Variants in USP25 observed in about 807,000 individuals in gnomAD.
The protein encoded by USP25 is ubiquitin specific peptidase 25, also known as ubiquitin carboxyl-terminal hydrolase 25.
Under a neutral mutation model 158.5 loss-of-function variants are expected in USP25, and 85 were observed. The ratio of observed to expected loss-of-function variants is 0.54; its 90% confidence interval spans 0.45 to 0.64. The LOEUF (loss-of-function observed/expected upper bound fraction) is 0.64. USP25 is among the 30% of genes least tolerant of loss of function. The pLI, the probability that USP25 is intolerant of heterozygous loss-of-function variation, is 0.00. For missense variants in USP25, 1,242 were observed against 1,327.3 expected, an observed-to-expected ratio of 0.94 and a Z score of 1.00; for synonymous variants, 464 against 460.4, an observed-to-expected ratio of 1.01 and a Z score of -0.10.
intron 17 of USP25, among the ~76,000 whole-genome samples, chr21:15,834,677 T>G (rs1484065320): frequency 6.6e-6 from 1 of 152,224 alleles, no homozygotes; most frequent in Non-Finnish European, 1.5e-5. Context: ...CTTAACTTAT[T>G]TTCATGTAGA....
chr21:15,858,487 G>A (rs1040400320), intron 20 of USP25, among the ~76,000 whole-genome samples: 5 of 151,550 alleles, frequency 3.3e-5, no homozygotes, highest in African/African-American at 1.2e-4. Context: ...GTTATTGAAA[G>A]GGTAGGTAAC....
chr21:15,730,976 G>GTTTTTTTTTTT lies in USP25; in HGVS notation c.45+553_45+563dup, dbSNP rs748732727. On this transcript the variant is annotated intron_variant, in intron 1 of 25. Transcript: ENST00000400183. ...TTTCCCTTTCTTCTTCTTCTTTTCT[G>GTTTTTTTTTTT]TTTTTTTTTTTTTTTTTTTTTTTTT... Among the ~76,000 whole-genome samples the GTTTTTTTTTTT allele has an allele frequency of 1.9e-4, 10 of 53,646 alleles. 1 individual carries two copies. Among genetic ancestry groups the GTTTTTTTTTTT allele is most frequent in the East Asian group, 6.6e-4 (1 of 1,504 alleles). 35.2% of individuals were successfully genotyped at this position (53,646 alleles called of 152,430 possible). A position where few individuals can be genotyped will look rare whatever the true frequency, so the allele number is the denominator to read the frequency against.
At chr21:15,823,306 G>A (rs1384133557) in intron 10 of USP25, among the ~76,000 whole-genome samples, 4 of 151,410 alleles carry the variant, frequency 2.6e-5, no homozygotes, top group African/African-American at 9.7e-5. Flanking sequence ...TTTTAAAAAT[G>A]TTGAATTTCA....
At chr21:15,863,454 G>T (rs566761078) in intron 20 of USP25, among the ~76,000 whole-genome samples, 1 of 152,068 alleles carries the variant, frequency 6.6e-6, no homozygotes, top group Non-Finnish European at 1.5e-5. Flanking sequence ...GGGCTATTCA[G>T]CTAAAAGTTA....
chr21:15,811,112 A>C, intron 8 of USP25, 25 bp from the exon 9 acceptor site: 1 of 1,591,032 alleles, frequency 6.3e-7, no homozygotes, highest in Non-Finnish European at 8.5e-7. Flanking sequence ...TTGTAATCAC[A>C]TTTATATTTT....
chr21:15,751,334 A>G (rs1298001749), intron 1 of USP25, among the ~76,000 whole-genome samples: 2 of 152,228 alleles, frequency 1.3e-5, no homozygotes, highest in Non-Finnish European at 2.9e-5. Context: ...GACATATTAT[A>G]TAAGTAATTA....
Position 15,762,929 on chromosome 21 carries a change from G to T in USP25, c.84G>T (p.Thr28=), listed in dbSNP as rs760842437. Residue 28 remains threonine (T), a synonymous_variant, in exon 2 of 26, where the codon ACG becomes ACT. Transcript: ENST00000400183. The stretch of plus-strand genomic sequence containing the variant: ...TTTTGAATCAACTGAGAGAAATTAC[G>T]GGGATTAATGACACCCAGATACTAC... ...QTFLNQLREI[T]GINDTQILQQ... is the part of the protein sequence containing the mutation. The T allele has an allele frequency of 2.5e-6, 4 of 1,612,402 alleles. No homozygotes were observed. In the South Asian group the frequency reaches 4.4e-5, roughly 18 times the overall value.
At position 15,843,084 on chromosome 21, in the gene USP25, C is replaced by T. The variant is rs184476849; in HGVS notation, c.2337+544C>T. On this transcript the variant is annotated intron_variant, in intron 18 of 25. Coordinates refer to ENST00000400183, the MANE Select transcript of USP25 (RefSeq NM_001283041.3). This position sits in a 1 kb window ranked among gnomAD's most constrained non-coding sequence, Gnocchi z 4.0. ...ATTTTAAGAACGTCCTGTGCAAAAA[C>T]GTCATTAGGCTACTCTATTGTAGTT... Among the ~76,000 whole-genome samples, 27 of 152,158 alleles carry T rather than the reference C, an allele frequency of 1.8e-4. No homozygotes were observed. Among genetic ancestry groups the T allele is most frequent in the Non-Finnish European group, 3.1e-4 (21 of 68,002 alleles).
rs541546353 is a variant in USP25 at position 15,812,208 on chromosome 21, T to C, written c.931+998T>C. On this transcript the variant is annotated intron_variant, in intron 9 of 25. Transcript: ENST00000400183. ...TACATTTACGTTGGGTCATTCATCT[T>C]AATCATTCTGATTTTATTTGAAGTA... is the stretch of plus-strand genomic sequence containing the variant. Among the ~76,000 whole-genome samples, 18 of 151,940 alleles carry C rather than the reference T, an allele frequency of 1.2e-4. No individual in the cohort carries two copies. The East Asian group carries it at 3.5e-3, about 29-fold the overall frequency.
chr21:15,849,609 T>A (rs2038791528), intron 19 of USP25, among the ~76,000 whole-genome samples, 168 bp from the exon 20 acceptor site: 1 of 152,206 alleles, frequency 6.6e-6, no homozygotes, highest in Non-Finnish European at 1.5e-5. Flanking sequence ...AGCTGTGCCC[T>A]GTATGGATGA....
intron 15 of USP25, 59 bp downstream of exon 15, chr21:15,830,660 A>G: frequency 7.6e-7 from 1 of 1,315,630 alleles, no homozygotes; most frequent in Non-Finnish European, 1.0e-6. Flanking sequence ...ATTTTAATTT[A>G]CCTTTACATT....
intron 22 of USP25, among the ~76,000 whole-genome samples, chr21:15,868,647 C>T (rs926717942): frequency 3.0e-4 from 45 of 152,138 alleles, no homozygotes; most frequent in African/African-American, 9.7e-4. Context: ...CAGCTTACCA[C>T]CTGTTTTTGT....
At chr21:15,737,002 C>T (rs913270659) in intron 1 of USP25, among the ~76,000 whole-genome samples, 5 of 150,716 alleles carry the variant, frequency 3.3e-5, no homozygotes, top group Admixed American at 6.6e-5. Flanking sequence ...ATTTCACTTG[C>T]GTGTGTTTAT....
At chr21:15,877,021 G>A (rs953351528) in intron 24 of USP25, 1 of 151,906 alleles carries the variant, frequency 6.6e-6, no homozygotes, top group Non-Finnish European at 1.5e-5. Context: ...AGCACACTAT[G>A]GCTTGTGCTC....
intron 4 of USP25, 22 bp from the exon 5 acceptor site, chr21:15,791,480 T>A (rs1176968840): frequency 1.5e-5 from 23 of 1,585,174 alleles, no homozygotes; most frequent in Non-Finnish European, 1.8e-5. Context: ...TAATGCTGCA[T>A]TTTTTTCCAC....
At chr21:15,744,268 C>T (rs1051122616) in intron 1 of USP25, 1 of 152,476 alleles carries the variant, frequency 6.6e-6, no homozygotes. Flanking sequence ...TTTGCCATTA[C>T]TTTATTTTTG....
intron 3 of USP25, among the ~76,000 whole-genome samples, chr21:15,776,290 C>A (rs1198730312): frequency 2.6e-5 from 4 of 151,864 alleles, no homozygotes; most frequent in Middle Eastern, 3.4e-3. Context: ...TTTTGGGGGG[C>A]CCTACTTAAT....
At chr21:15,751,087 C>G (rs2823473) in intron 1 of USP25, among the ~76,000 whole-genome samples, 23,737 of 152,108 alleles carry the variant, frequency 0.16, 3,917 homozygotes, top group African/African-American at 0.42. Context: ...TGATTGGCTG[C>G]TAGAGGGTAA....
chr21:15,759,518 G>C (rs1337624252), intron 1 of USP25, among the ~76,000 whole-genome samples: 2 of 152,126 alleles, frequency 1.3e-5, no homozygotes, highest in Non-Finnish European at 2.9e-5. Flanking sequence ...TCAAGGTCTG[G>C]TCACAGGGTG....
Sources: allele counts gnomAD v4.1 joint callset (sites outside exome capture counted in the v4.1 genomes callset), GRCh38; gene constraint gnomAD v4.1.1; non-coding constraint Gnocchi (gnomAD v3.1); transcripts MANE v1.5; gene names NCBI Gene and HGNC (gene_info 2026-07-23, HGNC 2026-07-21).